Variants in VDAC3 observed in about 807,000 individuals in gnomAD.
The protein encoded by VDAC3 is non-selective voltage-gated ion channel VDAC3.
VDAC3 carries 7 observed loss-of-function variants against 33.9 expected under a neutral mutation model. That is an observed-to-expected ratio of 0.21 (90% CI 0.12 to 0.39). The LOEUF is 0.39. VDAC3 is among the 10% of genes least tolerant of loss of function. The pLI is 1.00. For missense variants in VDAC3, 261 were observed against 334.5 expected, an observed-to-expected ratio of 0.78 and a Z score of 1.71; for synonymous variants, 100 against 122.4, an observed-to-expected ratio of 0.82 and a Z score of 1.21.
At chr8:42,402,040 A>G in intron 7 of VDAC3, 25 bp downstream of exon 7, 1 of 1,609,010 alleles carries the variant, frequency 6.2e-7, no homozygotes, top group Non-Finnish European at 8.5e-7. Context: ...TTTATTCCTT[A>G]GTATCAGTGC....
intron 4 of VDAC3, among the ~76,000 whole-genome samples, chr8:42,396,501 T>C (rs373650319): frequency 4.6e-5 from 7 of 152,320 alleles, no homozygotes; most frequent in Admixed American, 3.9e-4. Context: ...TAAATAAATA[T>C]ATATGCACCT....
intron 7 of VDAC3, chr8:42,402,293 G>C (rs2130890792): frequency 2.1e-6 from 1 of 478,734 alleles, no homozygotes; most frequent in African/African-American, 1.9e-5. Context: ...CCAGAGCATG[G>C]CTTACCTCAT....
chr8:42,393,701 A>G (rs1303097548), intron 1 of VDAC3, 144 bp from the exon 2 acceptor site: 3 of 386,606 alleles, frequency 7.8e-6, no homozygotes, highest in African/African-American at 4.1e-5. Flanking sequence ...GAGAGAAGAT[A>G]TATTCTAGAT....
intron 1 of VDAC3, 120 bp downstream of exon 1, chr8:42,392,048 G>A (rs1485918585): frequency 6.6e-6 from 1 of 152,210 alleles, no homozygotes; most frequent in African/African-American, 2.4e-5. Flanking sequence ...CAGGCTACCG[G>A]GGCGCGGGGG....
At chr8:42,398,282 G>A (rs1038258608) in intron 4 of VDAC3, among the ~76,000 whole-genome samples, 1 of 152,208 alleles carries the variant, frequency 6.6e-6, no homozygotes, top group African/African-American at 2.4e-5. Flanking sequence ...GTATTGAGCT[G>A]TCTCACTCCG....
intron 8 of VDAC3, among the ~76,000 whole-genome samples, chr8:42,404,551 C>T (rs1401094976): frequency 6.6e-6 from 1 of 151,792 alleles, no homozygotes; most frequent in East Asian, 1.9e-4. Flanking sequence ...GGTGAAACCC[C>T]GTCTCTACTA....
rs374338456 is a variant in VDAC3, at chr8:42,402,133, T to TG, written c.551+119dup. On this transcript the variant is annotated intron_variant, in intron 7 of 9. Coordinates refer to ENST00000022615, the MANE Select transcript of VDAC3 (RefSeq NM_005662.7). ...GCATGCCTTGGTGAATATCCATCCT[T>TG]GCGGTGCTATCCTCATAGCAAAACC... is the stretch of plus-strand genomic sequence containing the variant. The TG allele has an allele frequency of 4.4e-5, 49 of 1,104,514 alleles. No homozygotes were observed. The African/African-American group carries it at 7.0e-4, about 16-fold the overall frequency. 68.4% of individuals were successfully genotyped at this position (1,104,514 alleles called of 1,614,324 possible).
At chr8:42,396,899 G>T in intron 4 of VDAC3, 1 of 484,178 alleles carries the variant, frequency 2.1e-6, no homozygotes, top group Non-Finnish European at 3.6e-6. Context: ...TGTTATAAAT[G>T]TGTTTTGCAC....
intron 4 of VDAC3, 101 bp downstream of exon 4, chr8:42,395,234 C>A: frequency 6.6e-7 from 1 of 1,520,910 alleles, no homozygotes; most frequent in Non-Finnish European, 8.9e-7. Context: ...ACCATGCTGT[C>A]TTCCCCACAG....
chr8:42,400,838 G>A (rs940748528), intron 6 of VDAC3, among the ~76,000 whole-genome samples: 1 of 151,576 alleles, frequency 6.6e-6, no homozygotes, highest in Non-Finnish European at 1.5e-5. Context: ...GCTAATTTTT[G>A]TATTTTTAGT....
At chr8:42,397,404 A>G (rs574734542) in intron 4 of VDAC3, 1 of 152,358 alleles carries the variant, frequency 6.6e-6, no homozygotes, top group African/African-American at 2.4e-5. Flanking sequence ...GTTAGGGGAC[A>G]GGGCATTTGT....
At chr8:42,400,078 C>T (rs1457773408) in intron 6 of VDAC3, among the ~76,000 whole-genome samples, 2 of 152,170 alleles carry the variant, frequency 1.3e-5, no homozygotes, top group African/African-American at 4.8e-5. Context: ...TGGCTCACGC[C>T]TGTAATCCTA....
chr8:42,396,349 G>A (rs1313043712), intron 4 of VDAC3, among the ~76,000 whole-genome samples: 1 of 152,100 alleles, frequency 6.6e-6, no homozygotes, highest in Non-Finnish European at 1.5e-5. Flanking sequence ...TGGCTGCATC[G>A]TTTTTGGTAT....
At chr8:42,399,732 C>A in intron 6 of VDAC3, 29 bp downstream of exon 6, 3 of 1,604,762 alleles carry the variant, frequency 1.9e-6, no homozygotes, top group Non-Finnish European at 2.6e-6. Flanking sequence ...TTTCCTGAAA[C>A]GTTTTTGGAG....
rs1392490539 is a variant in VDAC3, at chr8:42,403,477, C to G, written c.702+16C>G. On this transcript the variant is annotated intron_variant, in intron 8 of 9. Coordinates refer to ENST00000022615, the MANE Select transcript of VDAC3 (RefSeq NM_005662.7). ...TTCTCTCTCTGTAAGAATGTGCTGC[C>G]AGATTGGATCTGCTCTTATGTTTGT... The G allele has an allele frequency of 6.5e-7, 1 of 1,550,300 alleles. No homozygotes were observed. The highest frequency in any genetic ancestry group is 8.7e-7 in the Non-Finnish European group (1 of 1,152,858).
chr8:42,394,173 G>T, intron 2 of VDAC3, 37 bp from the exon 3 acceptor site: 3 of 1,568,952 alleles, frequency 1.9e-6, no homozygotes, highest in Non-Finnish European at 2.6e-6. Flanking sequence ...ATACTAAATG[G>T]TTATTTTTAT....
At chr8:42,405,056 CAG>C in intron 9 of VDAC3, 132 bp downstream of exon 9, 1 of 828,584 alleles carries the variant, frequency 1.2e-6, no homozygotes, top group Non-Finnish European at 1.9e-6. Flanking sequence ...GTTGTTCAGA[CAG>C]AAAACAATAC....
chr8:42,398,950 G>A lies in VDAC3; in HGVS notation c.270+86G>A. On this transcript the variant is annotated intron_variant, in intron 5 of 9. Transcript: ENST00000022615. ...ACATACCCCAAATATAATCAAAAGA[G>A]ATCTTACAACCTATCTAGTAGCCAT... 1.2e-5 allele frequency: 18 copies of A among 1,492,326 alleles called. No individual in the cohort carries two copies. The South Asian group carries it at 1.7e-4, about 14-fold the overall frequency. 92.4% of individuals were successfully genotyped at this position (1,492,326 alleles called of 1,614,324 possible). A position where few individuals can be genotyped will look rare whatever the true frequency, so the allele number is the denominator to read the frequency against.
At chr8:42,401,181 C>T (rs1158147646) in intron 6 of VDAC3, among the ~76,000 whole-genome samples, 4 of 152,088 alleles carry the variant, frequency 2.6e-5, no homozygotes, top group Non-Finnish European at 1.5e-5. Context: ...ATTAATTTGG[C>T]ACTGAAATAT....
Sources: gnomAD v4.1 joint callset for allele counts (sites outside exome capture counted in the v4.1 genomes callset) on GRCh38, gnomAD v4.1.1 for gene constraint, MANE v1.5 for transcripts, NCBI Gene and HGNC (gene_info 2026-07-23, HGNC 2026-07-21) for gene names.